Variants in GLIS1 observed in about 807,000 individuals in gnomAD.
The protein encoded by GLIS1 is zinc finger protein GLIS1.
GLIS1 carries 24 observed loss-of-function variants against 63.8 expected under a neutral mutation model. The observed-to-expected ratio is 0.38, with a 90% CI of 0.27 to 0.53. The LOEUF (loss-of-function observed/expected upper bound fraction) is 0.53. Ranked by LOEUF, GLIS1 falls within the 20% of genes least tolerant of loss-of-function variation. The probability of loss-of-function intolerance (pLI) is 0.85; values close to 1 mark genes in which losing one functional copy is unlikely to be tolerated. For synonymous variants in GLIS1, 450 were observed against 482.5 expected, an observed-to-expected ratio of 0.93 and a Z score of 0.88; for missense variants, 1,036 against 1,074.1, an observed-to-expected ratio of 0.96 and a Z score of 0.50.
chr1:53,570,858 A>T (rs1398123030), intron 4 of GLIS1, among the ~76,000 whole-genome samples: 2 of 152,238 alleles, frequency 1.3e-5, no homozygotes. Context: ...ATGTAAAATA[A>T]GCCCTCCCAT....
intron 2 of GLIS1, among the ~76,000 whole-genome samples, chr1:53,647,782 T>C (rs1026096963): frequency 6.6e-6 from 1 of 151,972 alleles, no homozygotes. Context: ...AAGACATCAT[T>C]AAGAGAGAAA....
At chr1:53,728,560 C>T (rs1008181965) in intron 2 of GLIS1, among the ~76,000 whole-genome samples, 1 of 152,190 alleles carries the variant, frequency 6.6e-6, no homozygotes, top group East Asian at 1.9e-4. Context: ...CCTGGTTCCA[C>T]ACCCATGCCC....
chr1:53,591,842 T>G (rs927348336), intron 4 of GLIS1, among the ~76,000 whole-genome samples: 1 of 152,230 alleles, frequency 6.6e-6, no homozygotes, highest in Non-Finnish European at 1.5e-5. Context: ...CACCCAACCT[T>G]TGTTTCTTCA....
chr1:53,654,414 T>A (rs1195600099), intron 2 of GLIS1, among the ~76,000 whole-genome samples: 1 of 152,080 alleles, frequency 6.6e-6, no homozygotes, highest in Non-Finnish European at 1.5e-5. Context: ...ACACATTAAA[T>A]CTGGGGTGCC....
intron 4 of GLIS1, among the ~76,000 whole-genome samples, chr1:53,544,173 A>G (rs2100379982): frequency 6.6e-6 from 1 of 152,362 alleles, no homozygotes; most frequent in East Asian, 1.9e-4. Context: ...ACAAAAAGAA[A>G]AGGATGCCAT....
At chr1:53,631,948 A>G (rs1298166204) in intron 2 of GLIS1, among the ~76,000 whole-genome samples, 1 of 152,152 alleles carries the variant, frequency 6.6e-6, no homozygotes, top group African/African-American at 2.4e-5. Context: ...CAGGGGAATA[A>G]AAGAGAGGTG....
intron 2 of GLIS1, among the ~76,000 whole-genome samples, chr1:53,672,765 T>C (rs1570024380): frequency 6.6e-6 from 1 of 152,244 alleles, no homozygotes; most frequent in South Asian, 2.1e-4. Flanking sequence ...TATCTCCCCT[T>C]CCCGACACAA....
chr1:53,714,121 T>C (rs1423413791), intron 2 of GLIS1, among the ~76,000 whole-genome samples: 2 of 152,156 alleles, frequency 1.3e-5, no homozygotes, highest in African/African-American at 4.8e-5. Context: ...TTGTTAGAAA[T>C]ACAAACAAGG....
At chr1:53,602,474 G>A (rs1036992585) in intron 2 of GLIS1, among the ~76,000 whole-genome samples, 2 of 152,100 alleles carry the variant, frequency 1.3e-5, no homozygotes, top group Non-Finnish European at 1.5e-5. Context: ...CGGGGGTGCC[G>A]TTCAGAGCTT....
intron 2 of GLIS1, among the ~76,000 whole-genome samples, chr1:53,641,445 G>A (rs766031804): frequency 6.6e-6 from 1 of 152,206 alleles, no homozygotes; most frequent in Non-Finnish European, 1.5e-5. Flanking sequence ...AGGAAAACAG[G>A]TGGGGCCAGA....
Position 53,737,818 on chromosome 1 carries a change from C to T in GLIS1, c.247G>A (p.Ala83Thr). 7 of 1,231,012 alleles carry T rather than the reference C, an allele frequency of 5.7e-6. No homozygotes were observed. Among genetic ancestry groups the T allele is most frequent in the Non-Finnish European group, 7.1e-6 (7 of 987,420 alleles). 76.3% of individuals were successfully genotyped at this position (1,231,012 alleles called of 1,614,324 possible). A position where few individuals can be genotyped will look rare whatever the true frequency, so the allele number is the denominator to read the frequency against. The change falls in exon 2 of 11, where the codon GCC (alanine) becomes ACC (threonine). Residue 83 changes from alanine to threonine, a missense_variant. Coordinates refer to ENST00000628545, the MANE Select transcript of GLIS1 (RefSeq NM_001367484.1). ...GGGCCGAACTCACCCTTCCCGGCGG[C>T]GGCGGCCTTGGATGGACCGTAGTCT... ...PRDYGPSKAA[A>T]AGKVNGSYGH... is the part of the protein sequence containing the mutation.
At chr1:53,518,546 G>A (rs78926136) in intron 7 of GLIS1, among the ~76,000 whole-genome samples, 1 of 152,156 alleles carries the variant, frequency 6.6e-6, no homozygotes, top group East Asian at 1.9e-4. Context: ...GTAAGTGACC[G>A]CATCCATGAT....
intron 2 of GLIS1, among the ~76,000 whole-genome samples, chr1:53,641,456 G>A (rs898137037): frequency 1.3e-5 from 2 of 152,184 alleles, no homozygotes; most frequent in African/African-American, 2.4e-5. Flanking sequence ...TGGGGCCAGA[G>A]GAACCTGAGC....
At chr1:53,696,749 C>T (rs1646469194) in intron 2 of GLIS1, among the ~76,000 whole-genome samples, 1 of 152,224 alleles carries the variant, frequency 6.6e-6, no homozygotes, top group South Asian at 2.1e-4. Flanking sequence ...TTTGCCCATG[C>T]CGCCTGGAAC....
intron 4 of GLIS1, among the ~76,000 whole-genome samples, chr1:53,581,535 T>C (rs1017229346): frequency 1.3e-5 from 2 of 152,198 alleles, no homozygotes; most frequent in African/African-American, 4.8e-5. Context: ...ATCTAGACTT[T>C]ATGGAGCTCA....
intron 4 of GLIS1, among the ~76,000 whole-genome samples, chr1:53,583,157 G>A (rs995942296): frequency 1.3e-5 from 2 of 152,200 alleles, no homozygotes; most frequent in East Asian, 1.9e-4. Context: ...GACCTGAGCT[G>A]GAGGCGCAGA....
At chr1:53,580,865 G>A (rs1388751109) in intron 4 of GLIS1, among the ~76,000 whole-genome samples, 1 of 152,068 alleles carries the variant, frequency 6.6e-6, no homozygotes, top group East Asian at 1.9e-4. Flanking sequence ...ATGCAAAATT[G>A]TACTCCTGCC....
At chr1:53,522,076 G>A (rs892457377) in intron 6 of GLIS1, among the ~76,000 whole-genome samples, 2 of 152,378 alleles carry the variant, frequency 1.3e-5, no homozygotes. Context: ...TTGGCTCCCT[G>A]ACCCAGCAGC....
chr1:53,545,239 A>C (rs1644686082), intron 4 of GLIS1, among the ~76,000 whole-genome samples: 1 of 152,076 alleles, frequency 6.6e-6, no homozygotes, highest in Non-Finnish European at 1.5e-5. Context: ...GCAGTAACAC[A>C]GTCTACACTA....
Sources: allele counts gnomAD v4.1 joint callset (sites outside exome capture counted in the v4.1 genomes callset), GRCh38; gene constraint gnomAD v4.1.1; transcripts MANE v1.5; gene names NCBI Gene and HGNC (gene_info 2026-07-23, HGNC 2026-07-21).